KIAA0753: variants seen among roughly 807,000 people sequenced by gnomAD.
KIAA0753 encodes KIAA0753.
Under a neutral mutation model 116.9 loss-of-function variants are expected in KIAA0753, and 114 were observed. The ratio of observed to expected loss-of-function variants is 0.98; its 90% confidence interval spans 0.84 to 1.14. The LOEUF is 1.14. Ranked by LOEUF, KIAA0753 falls within the 50% of genes most tolerant of loss-of-function variation. KIAA0753 has a pLI of 0.00. For missense variants in KIAA0753, 1,156 were observed against 1,172.4 expected, an observed-to-expected ratio of 0.99 and a Z score of 0.20; for synonymous variants, 405 against 413.1, an observed-to-expected ratio of 0.98 and a Z score of 0.24.
chr17:6,605,244 A>C (rs1970119700), intron 12 of KIAA0753, among the ~76,000 whole-genome samples: 3 of 152,120 alleles, frequency 2.0e-5, no homozygotes, highest in Admixed American at 2.0e-4. Context: ...AGTTTCTCCT[A>C]CTCACTGCAG....
At chr17:6,605,436 G>A (rs1039921038) in intron 12 of KIAA0753, among the ~76,000 whole-genome samples, 8 of 152,104 alleles carry the variant, frequency 5.3e-5, no homozygotes, top group African/African-American at 1.7e-4. Flanking sequence ...ACTCACTCCC[G>A]ACCCTGCTCA....
chr17:6,628,093 A>G (rs1232559960), intron 3 of KIAA0753, 24 bp downstream of exon 3: 1 of 1,594,974 alleles, frequency 6.3e-7, no homozygotes, highest in Non-Finnish European at 8.5e-7. Context: ...CTTAGGTCGA[A>G]GTAAAGAATC....
At chr17:6,609,392 T>A (rs73975626) in intron 9 of KIAA0753, among the ~76,000 whole-genome samples, 2,439 of 152,342 alleles carry the variant, frequency 0.016, 63 homozygotes, top group African/African-American at 0.055. Context: ...TCCACCTAAC[T>A]GGACCCTGCT....
intron 16 of KIAA0753, among the ~76,000 whole-genome samples, chr17:6,592,035 T>G (rs1567541926): frequency 2.0e-5 from 3 of 152,208 alleles, no homozygotes; most frequent in Non-Finnish European, 4.4e-5. Context: ...TAAATTCCAG[T>G]GCAGAGATGC....
intron 2 of KIAA0753, among the ~76,000 whole-genome samples, chr17:6,633,320 T>A (rs1445314371): frequency 6.6e-6 from 1 of 152,208 alleles, no homozygotes; most frequent in African/African-American, 2.4e-5. Context: ...AAAATTTTTT[T>A]AAATTTCTTT....
rs1567575063 is a variant in KIAA0753, at chr17:6,620,778, A to G, written c.1315+10T>C. 1.9e-6 allele frequency: 3 copies of G among 1,612,678 alleles called. No homozygotes were observed. Among genetic ancestry groups the G allele is most frequent in the Non-Finnish European group, 2.5e-6 (3 of 1,178,658 alleles). On this transcript the variant is annotated intron_variant, in intron 7 of 18. Coordinates refer to ENST00000361413, the MANE Select transcript of KIAA0753 (RefSeq NM_014804.3). ...AAAATGTCTTACAATAAACACTTTA[A>G]GACACATACCGGCAAGAAGCTGCTT...
chr17:6,597,796 A>G (rs989186414), intron 14 of KIAA0753, among the ~76,000 whole-genome samples: 4 of 152,198 alleles, frequency 2.6e-5, no homozygotes, highest in African/African-American at 7.2e-5. Flanking sequence ...CCTCCATTTT[A>G]AAGATGAGAA....
chr17:6,598,912 T>C (rs1969658488), intron 14 of KIAA0753, among the ~76,000 whole-genome samples: 3 of 152,060 alleles, frequency 2.0e-5, no homozygotes, highest in Middle Eastern at 3.2e-3. Context: ...TGAAAGGAAA[T>C]GAGGGCAGGC....
At chr17:6,632,948 G>A (rs952829174) in intron 2 of KIAA0753, among the ~76,000 whole-genome samples, 2 of 152,194 alleles carry the variant, frequency 1.3e-5, no homozygotes, top group Non-Finnish European at 2.9e-5. Context: ...TGCACCTTAT[G>A]ATCTTGGATT....
At chr17:6,615,540 G>A (rs356034) in intron 7 of KIAA0753, among the ~76,000 whole-genome samples, 4 of 147,024 alleles carry the variant, frequency 2.7e-5, no homozygotes, top group Admixed American at 7.0e-5. Flanking sequence ...GTGTGAACCC[G>A]CGAGGCGTAG....
At chr17:6,634,918 G>A in intron 2 of KIAA0753, 93 bp downstream of exon 2, 1 of 791,228 alleles carries the variant, frequency 1.3e-6, no homozygotes, top group Admixed American at 2.1e-5. Flanking sequence ...GCTGAATCTA[G>A]GAGGTGATTT....
At chr17:6,609,833 CAA>C (rs1211956732) in intron 9 of KIAA0753, among the ~76,000 whole-genome samples, 159 bp downstream of exon 9, 1 of 152,122 alleles carries the variant, frequency 6.6e-6, no homozygotes, top group African/African-American at 2.4e-5. Flanking sequence ...AGCTTCCAGA[CAA>C]AGACTTCTCA....
chr17:6,586,106 A>T (rs1381745261), intron 18 of KIAA0753, among the ~76,000 whole-genome samples: 2 of 152,088 alleles, frequency 1.3e-5, no homozygotes, highest in Non-Finnish European at 2.9e-5. Flanking sequence ...CTGGTCATTT[A>T]AAAGTGTGTG....
rs1315552520 is a variant in KIAA0753, at chr17:6,612,153, A to G, written c.1316-5T>C. ...CCGTATCGGGCTGATACTTATCTAC[A>G]TGGAAATTTTTGAAAAACAAACTGA... On this transcript the variant is annotated splice_region_variant and splice_polypyrimidine_tract_variant and intron_variant, in intron 7 of 18. Transcript: ENST00000361413. 8.8e-6 allele frequency: 14 copies of G among 1,595,028 alleles called. No individual in the cohort carries two copies. The highest frequency in any genetic ancestry group is 2.7e-5 in the African/African-American group (2 of 73,682).
At chr17:6,629,860 C>T (rs1971913929) in intron 2 of KIAA0753, among the ~76,000 whole-genome samples, 1 of 152,172 alleles carries the variant, frequency 6.6e-6, no homozygotes, top group African/African-American at 2.4e-5. Context: ...CAAATAGGTA[C>T]CATCTGAAAG....
intron 18 of KIAA0753, among the ~76,000 whole-genome samples, chr17:6,588,055 G>A (rs1717950842): frequency 6.6e-6 from 1 of 152,126 alleles, no homozygotes; most frequent in Admixed American, 6.6e-5. Flanking sequence ...TGAAGGCAGA[G>A]TGCAGTATGG....
intron 5 of KIAA0753, 109 bp downstream of exon 5, chr17:6,623,400 T>A: frequency 1.1e-6 from 1 of 887,862 alleles, no homozygotes; most frequent in Admixed American, 2.6e-5. Context: ...AACAGGTTTC[T>A]GCAAGTACTG....
intron 2 of KIAA0753, among the ~76,000 whole-genome samples, chr17:6,631,786 T>C (rs1404798872): frequency 6.6e-6 from 1 of 152,198 alleles, no homozygotes; most frequent in Non-Finnish European, 1.5e-5. Flanking sequence ...GATAGTGATT[T>C]TTTAAATTTC....
chr17:6,633,664 C>G (rs1205384590), intron 2 of KIAA0753, among the ~76,000 whole-genome samples: 1 of 152,050 alleles, frequency 6.6e-6, no homozygotes, highest in African/African-American at 2.4e-5. Context: ...AACGGATAAA[C>G]AAACTGTGGT....
Sources: gnomAD v4.1 joint callset for allele counts (sites outside exome capture counted in the v4.1 genomes callset) on GRCh38, gnomAD v4.1.1 for gene constraint, MANE v1.5 for transcripts, NCBI Gene and HGNC (gene_info 2026-07-23, HGNC 2026-07-21) for gene names.